The following HDAC9 variants were observed in gnomAD, a reference collection of about 807,000 sequenced individuals.
HDAC9 encodes histone deacetylase 9.
Under a neutral mutation model 139.4 loss-of-function variants are expected in HDAC9, and 41 were observed. The ratio of observed to expected loss-of-function variants is 0.29; its 90% CI spans 0.23 to 0.38. The LOEUF (loss-of-function observed/expected upper bound fraction) is 0.38. HDAC9 is among the 10% of genes least tolerant of loss of function. The pLI is 1.00. For synonymous variants in HDAC9, 517 were observed against 476.2 expected, an observed-to-expected ratio of 1.09 and a Z score of -1.12; for missense variants, 1,147 against 1,297.0, an observed-to-expected ratio of 0.88 and a Z score of 1.78.
At position 18,389,150 on chromosome 7, in the gene HDAC9, T is replaced by C. The variant is rs1786228049; in HGVS notation, c.-42+98635T>C. On this transcript the variant is annotated intron_variant, in intron 1 of 3. Coordinates refer to the HDAC9 transcript ENST00000413509. ...CAGTATTCCAGCTTGTTTTGTCTGT[T>C]TTTTTGCTACCTGATTTTGGCCACT... Among the ~76,000 whole-genome samples, 3 of 152,336 alleles carry C rather than the reference T, an allele frequency of 2.0e-5. No individual in the cohort carries two copies. The South Asian group carries it at 6.2e-4, about 32-fold the overall frequency.
intron 1 of HDAC9, chr7:18,458,831 T>C (rs1793581366): frequency 5.9e-6 from 9 of 1,532,972 alleles, no homozygotes; most frequent in South Asian, 1.2e-5. Context: ...CTGACTTTCT[T>C]ATCCCCACAG....
At chr7:18,895,847 A>G (rs140157148) in intron 22 of HDAC9, among the ~76,000 whole-genome samples, 3 of 152,052 alleles carry the variant, frequency 2.0e-5, no homozygotes, top group African/African-American at 7.2e-5. Flanking sequence ...AGAGACTTGA[A>G]ATGCAGCTTA....
intron 13 of HDAC9, among the ~76,000 whole-genome samples, chr7:18,741,574 A>T (rs1176269310): frequency 2.0e-5 from 3 of 152,224 alleles, no homozygotes; most frequent in Non-Finnish European, 2.9e-5. Context: ...ATGTGCAATG[A>T]GATTAAGTTT....
chr7:18,130,509 A>G lies in HDAC9; in HGVS notation c.-96-31720A>G, dbSNP rs79333926. On this transcript the variant is annotated intron_variant, in intron 1 of 12. Coordinates refer to the HDAC9 transcript ENST00000417496. ...TGCCTCCTTTCTTGGTAACAGCTTTATTGAGATATAATTTACATATCATAC... is the reference window on the plus strand; with the variant it reads ...TGCCTCCTTTCTTGGTAACAGCTTTGTTGAGATATAATTTACATATCATAC... Among the ~76,000 whole-genome samples the G allele has an allele frequency of 7.3e-4, 111 of 152,186 alleles. 1 individual carries two copies. The East Asian group carries it at 0.021, about 28-fold the overall frequency.
intron 12 of HDAC9, among the ~76,000 whole-genome samples, chr7:18,718,388 C>T (rs1448801926): frequency 6.6e-6 from 1 of 151,814 alleles, no homozygotes; most frequent in Admixed American, 6.6e-5. Flanking sequence ...CACGGTGCCA[C>T]GCCTCGCTAA....
At chr7:18,680,816 C>T (rs902327246) in intron 12 of HDAC9, among the ~76,000 whole-genome samples, 7 of 152,008 alleles carry the variant, frequency 4.6e-5, no homozygotes, top group Non-Finnish European at 1.0e-4. Context: ...TGAACAATAT[C>T]TTGGCTTTGT....
chr7:18,492,888 GT>G (rs1258599217), upstream of HDAC9, among the ~76,000 whole-genome samples: 1 of 151,866 alleles, frequency 6.6e-6, no homozygotes, highest in African/African-American at 2.4e-5. Context: ...AACAAGTGGG[GT>G]TTTTTGTAAG....
At chr7:18,914,341 G>A (rs777720088) in intron 22 of HDAC9, among the ~76,000 whole-genome samples, 7 of 151,578 alleles carry the variant, frequency 4.6e-5, no homozygotes, top group South Asian at 2.1e-4. Flanking sequence ...CATTCCACCC[G>A]GCTATTCATT....
At chr7:18,439,064 T>G (rs1791499723) in intron 1 of HDAC9, among the ~76,000 whole-genome samples, 1 of 152,176 alleles carries the variant, frequency 6.6e-6, no homozygotes, top group African/African-American at 2.4e-5. Context: ...TTTGGATGAG[T>G]GTGAGTACCC....
At chr7:18,147,876 TTACTG>T (rs1411850983) in intron 1 of HDAC9, among the ~76,000 whole-genome samples, 2 of 152,182 alleles carry the variant, frequency 1.3e-5, no homozygotes, top group African/African-American at 4.8e-5. Flanking sequence ...TGTCATTAAT[TTACTG>T]TAAGTATTGA....
chr7:18,487,280 A>G (rs952711869), intron 1 of HDAC9, among the ~76,000 whole-genome samples: 4 of 152,108 alleles, frequency 2.6e-5, no homozygotes, highest in Admixed American at 2.6e-4. Flanking sequence ...AAAGAAGGAC[A>G]TTATATACTG....
intron 1 of HDAC9, among the ~76,000 whole-genome samples, chr7:18,090,599 A>G (rs1159885846): frequency 1.3e-5 from 2 of 152,226 alleles, no homozygotes; most frequent in African/African-American, 4.8e-5. Flanking sequence ...GAGGATCATC[A>G]GCCTCACTGG....
At chr7:18,088,663 T>C (rs1203816075) in intron 1 of HDAC9, among the ~76,000 whole-genome samples, 1 of 152,218 alleles carries the variant, frequency 6.6e-6, no homozygotes, top group Non-Finnish European at 1.5e-5. Flanking sequence ...TTTTGATTTT[T>C]ATTATGGAAA....
intron 1 of HDAC9, among the ~76,000 whole-genome samples, chr7:18,154,089 C>T (rs11981992): frequency 1.3e-5 from 2 of 151,912 alleles, no homozygotes; most frequent in African/African-American, 4.8e-5. Context: ...ATACAATATC[C>T]GGGGAATAGA....
chr7:18,130,088 C>A (rs1486932358), intron 1 of HDAC9, among the ~76,000 whole-genome samples: 1 of 152,058 alleles, frequency 6.6e-6, no homozygotes, highest in Non-Finnish European at 1.5e-5. Context: ...TATCCCTTAT[C>A]CAAAATTCTT....
chr7:18,668,415 T>C (rs1795418188), intron 12 of HDAC9: 1 of 940,286 alleles, frequency 1.1e-6, no homozygotes, highest in Admixed American at 6.2e-5. Flanking sequence ...TCAAAGTCTT[T>C]TTTCAATCTC....
intron 21 of HDAC9, among the ~76,000 whole-genome samples, chr7:18,856,605 A>G (rs1167198152): frequency 1.3e-5 from 2 of 152,186 alleles, no homozygotes; most frequent in African/African-American, 4.8e-5. Flanking sequence ...ATGAATGTAT[A>G]TTACAAATAC....
intron 2 of HDAC9, among the ~76,000 whole-genome samples, chr7:18,227,520 A>G (rs189621559): frequency 1.3e-5 from 2 of 152,250 alleles, no homozygotes; most frequent in Admixed American, 6.5e-5. Flanking sequence ...CCAATATACA[A>G]CTATTTAAAG....
chr7:18,397,767 A>C (rs1394927256), intron 1 of HDAC9, among the ~76,000 whole-genome samples: 2 of 152,112 alleles, frequency 1.3e-5, no homozygotes, highest in Non-Finnish European at 2.9e-5. Context: ...TTGTAGTGAA[A>C]TTTACATCAG....
Sources: gnomAD v4.1 joint callset for allele counts (sites outside exome capture counted in the v4.1 genomes callset) on GRCh38, gnomAD v4.1.1 for gene constraint, MANE v1.5 for transcripts, NCBI Gene and HGNC (gene_info 2026-07-23, HGNC 2026-07-21) for gene names.